FARS2: variants seen among roughly 807,000 people sequenced by gnomAD.
The protein encoded by FARS2 is phenylalanine--tRNA ligase, mitochondrial.
Under a neutral mutation model 46.4 loss-of-function variants are expected in FARS2, and 40 were observed. The observed-to-expected ratio is 0.86, with a 90% CI of 0.67 to 1.12. The LOEUF (loss-of-function observed/expected upper bound fraction) is 1.12. Among genes scored for constraint, FARS2 ranks in the 50% most tolerant of loss-of-function variants. The probability of loss-of-function intolerance (pLI) is 0.00; values close to 1 mark genes in which losing one functional copy is unlikely to be tolerated. For synonymous variants in FARS2, 234 were observed against 214.9 expected (o/e 1.09, Z -0.78); for missense variants, 513 against 567.9 (o/e 0.90, Z 0.98).
At chr6:5,387,295 G>T (rs1356059330) in intron 2 of FARS2, among the ~76,000 whole-genome samples, 1 of 152,214 alleles carries the variant, frequency 6.6e-6, no homozygotes, top group Non-Finnish European at 1.5e-5. Context: ...AGATGGATTA[G>T]TAACACCTGC....
intron 1 of FARS2, among the ~76,000 whole-genome samples, chr6:5,263,285 A>T (rs966266548): frequency 2.0e-5 from 3 of 152,224 alleles, no homozygotes; most frequent in Admixed American, 1.3e-4. Context: ...CCAAATAAAT[A>T]TGTATAGTTT....
At chr6:5,279,562 GTGTGTGTGTGTGTA>G (rs980439239) in intron 1 of FARS2, among the ~76,000 whole-genome samples, 7 of 147,924 alleles carry the variant, frequency 4.7e-5, no homozygotes, top group African/African-American at 1.8e-4. Flanking sequence ...ATAAATGTGT[GTGTGTGTGTGTGTA>G]TATATATATA....
intron 4 of FARS2, among the ~76,000 whole-genome samples, chr6:5,505,669 C>T (rs1768057891): frequency 6.6e-6 from 1 of 152,136 alleles, no homozygotes; most frequent in African/African-American, 2.4e-5. Flanking sequence ...TACTGTCCCT[C>T]TTCAATGGCT....
intron 1 of FARS2, among the ~76,000 whole-genome samples, chr6:5,282,665 A>AT (rs946728523): frequency 2.6e-5 from 4 of 152,234 alleles, no homozygotes; most frequent in African/African-American, 9.6e-5. Context: ...TGGAACCCTG[A>AT]TTTTGTGAAA....
chr6:5,354,787 A>G (rs1320778547), intron 1 of FARS2, among the ~76,000 whole-genome samples: 1 of 152,122 alleles, frequency 6.6e-6, no homozygotes, highest in African/African-American at 2.4e-5. Flanking sequence ...TGCTGGGATT[A>G]CAGGTGTGAG....
At position 5,386,059 on chromosome 6, in the gene FARS2, G is replaced by A. The variant is rs573016743; in HGVS notation, c.612+16877G>A. Reference sequence around the variant, plus strand: ...TGTTCCTATATATATAGAGAGAGATGAAGTATAAACTCTGCTCCCCACAGT... The same window carrying A: ...TGTTCCTATATATATAGAGAGAGATAAAGTATAAACTCTGCTCCCCACAGT... On this transcript the variant is annotated intron_variant, in intron 2 of 6. Transcript: ENST00000274680. Among the ~76,000 whole-genome samples, 3 of 152,246 alleles carry A rather than the reference G, an allele frequency of 2.0e-5. No individual in the cohort carries two copies. The South Asian group carries it at 6.2e-4, about 32-fold the overall frequency.
At chr6:5,452,009 A>C (rs778620427) in intron 4 of FARS2, 5 of 152,234 alleles carry the variant, frequency 3.3e-5, no homozygotes, top group Admixed American at 6.5e-5. Flanking sequence ...TTTCTTCCAC[A>C]AGAGTCTAAC....
intron 4 of FARS2, among the ~76,000 whole-genome samples, chr6:5,447,811 A>C (rs1269839678): frequency 6.6e-6 from 1 of 152,230 alleles, no homozygotes; most frequent in Non-Finnish European, 1.5e-5. Context: ...AACAAGGCAC[A>C]ACTGCCCTTA....
Position 5,532,946 on chromosome 6 carries a change from CT to C in FARS2, c.905-12224del, listed in dbSNP as rs545872363. The stretch of plus-strand genomic sequence containing the variant: ...AAAATATACTTACAATAATACAAAA[CT>C]TTTTTTTTTCAATATGTAGTAGTTC... On this transcript the variant is annotated intron_variant, in intron 4 of 6. Coordinates refer to ENST00000274680, the MANE Select transcript of FARS2 (RefSeq NM_006567.5). Among the ~76,000 whole-genome samples, 446 of 149,922 alleles carry C rather than the reference CT, an allele frequency of 3.0e-3. 3 individuals are homozygous for C. Among genetic ancestry groups the C allele is most frequent in the African/African-American group, 0.01 (429 of 40,866 alleles).
upstream of FARS2, chr6:5,260,625 G>A (rs752849679): frequency 6.8e-5 from 67 of 983,622 alleles, 1 homozygote; most frequent in Admixed American, 4.2e-4. Context: ...CCCGCCCCCG[G>A]CCCCCGGTGC....
chr6:5,466,507 G>C, intron 4 of FARS2: 2 of 982,878 alleles, frequency 2.0e-6, no homozygotes, highest in Non-Finnish European at 2.4e-6. Context: ...AAGAAGATAA[G>C]GAAATATGTT....
At chr6:5,534,778 G>C (rs1770081709) in intron 4 of FARS2, among the ~76,000 whole-genome samples, 2 of 151,854 alleles carry the variant, frequency 1.3e-5, no homozygotes, top group African/African-American at 2.4e-5. Context: ...CACACACAGA[G>C]GCATATATAC....
chr6:5,342,220 T>C (rs559918700), intron 1 of FARS2, among the ~76,000 whole-genome samples: 19 of 152,330 alleles, frequency 1.2e-4, no homozygotes, highest in Non-Finnish European at 2.6e-4. Context: ...CTAGGCCTAA[T>C]TGGGACTTCC....
intron 4 of FARS2, among the ~76,000 whole-genome samples, chr6:5,462,596 G>C (rs530585712): frequency 6.6e-6 from 1 of 152,060 alleles, no homozygotes; most frequent in African/African-American, 2.4e-5. Context: ...TCATCTTTTT[G>C]AATGTGTATA....
At chr6:5,606,157 G>T (rs1774822011) in intron 5 of FARS2, among the ~76,000 whole-genome samples, 1 of 151,962 alleles carries the variant, frequency 6.6e-6, no homozygotes, top group Non-Finnish European at 1.5e-5. Flanking sequence ...ATTGGAACAA[G>T]ACGTGAACCC....
intron 6 of FARS2, among the ~76,000 whole-genome samples, chr6:5,615,317 A>G (rs753370856): frequency 4.6e-5 from 7 of 152,030 alleles, no homozygotes; most frequent in Non-Finnish European, 7.4e-5. Flanking sequence ...TTTCCGCTTC[A>G]TTTGGTATGC....
intron 2 of FARS2, among the ~76,000 whole-genome samples, chr6:5,381,668 C>T (rs1345716693): frequency 6.6e-6 from 1 of 152,138 alleles, no homozygotes; most frequent in Non-Finnish European, 1.5e-5. Flanking sequence ...CATTGCCATG[C>T]TGGGGTTATG....
intron 6 of FARS2, among the ~76,000 whole-genome samples, chr6:5,704,545 G>C (rs770786399): frequency 6.6e-6 from 1 of 152,162 alleles, no homozygotes; most frequent in Non-Finnish European, 1.5e-5. Flanking sequence ...ACTATGTTTT[G>C]TCTCATTCAC....
intron 6 of FARS2, among the ~76,000 whole-genome samples, chr6:5,616,598 G>A (rs750049680): frequency 6.6e-6 from 1 of 152,122 alleles, no homozygotes; most frequent in African/African-American, 2.4e-5. Flanking sequence ...TACCTTATAC[G>A]TGTATCCTGA....
Sources: allele counts gnomAD v4.1 joint callset (sites outside exome capture counted in the v4.1 genomes callset), GRCh38; gene constraint gnomAD v4.1.1; transcripts MANE v1.5; gene names NCBI Gene and HGNC (gene_info 2026-07-23, HGNC 2026-07-21).